Variants in GPR141 observed in about 807,000 individuals in gnomAD.
The protein encoded by GPR141 is G protein-coupled receptor 141.
Under a neutral mutation model 6.8 loss-of-function variants are expected in GPR141, and 6 were observed. That is an observed-to-expected ratio of 0.88 (90% CI 0.48 to 1.74). The LOEUF is 1.74. Ranked by LOEUF, GPR141 falls within the 40% of genes most tolerant of loss-of-function variation. The probability of loss-of-function intolerance (pLI) is 0.01; values close to 1 mark genes in which losing one functional copy is unlikely to be tolerated. For synonymous variants in GPR141, 140 were observed against 142.3 expected (o/e 0.98, Z 0.11); for missense variants, 372 against 372.9 (o/e 1.00, Z 0.02).
At chr7:37,695,531 C>G (rs1048641741) in intron 2 of GPR141, among the ~76,000 whole-genome samples, 5 of 152,154 alleles carry the variant, frequency 3.3e-5, no homozygotes, top group African/African-American at 1.2e-4. Flanking sequence ...GGGAGAAATT[C>G]CTCCTGGCTC....
intron 2 of GPR141, among the ~76,000 whole-genome samples, chr7:37,693,907 C>CAA (rs1809897374): frequency 6.6e-6 from 1 of 152,284 alleles, no homozygotes; most frequent in Admixed American, 6.5e-5. Context: ...AGCTTGAAGT[C>CAA]TGTAAAGACA....
intron 2 of GPR141, among the ~76,000 whole-genome samples, chr7:37,727,684 A>G (rs1811700613): frequency 6.6e-6 from 1 of 151,766 alleles, no homozygotes; most frequent in Non-Finnish European, 1.5e-5. Context: ...CCAAGCCCAG[A>G]CTCTTCAATT....
At chr7:37,708,332 A>C (rs1163618691) in intron 2 of GPR141, among the ~76,000 whole-genome samples, 2 of 151,264 alleles carry the variant, frequency 1.3e-5, no homozygotes, top group African/African-American at 2.4e-5. Context: ...AAAAAAAAAA[A>C]AAACGCAAAA....
At position 37,743,562 on chromosome 7, in the gene GPR141, T is replaced by C. The variant is rs1812674033; in HGVS notation, c.*2251T>C. 6.6e-6 allele frequency among the ~76,000 whole-genome samples: 1 copy of C among 151,656 alleles called. No individual in the cohort carries two copies. Among genetic ancestry groups the C allele is most frequent in the African/African-American group, 2.4e-5 (1 of 41,332 alleles). On this transcript the variant is annotated 3_prime_UTR_variant, in exon 3 of 3. Transcript: ENST00000334425. ...TACCTATAAATATGTAAAAAAAATT[T>C]AGAAAAATATTTAAATTAAAAGTAT...
intron 2 of GPR141, among the ~76,000 whole-genome samples, chr7:37,739,872 A>G (rs1465371210): frequency 6.6e-6 from 1 of 152,178 alleles, no homozygotes; most frequent in African/African-American, 2.4e-5. Flanking sequence ...CTTAGATGGT[A>G]TTTTTGGTCA....
intron 2 of GPR141, among the ~76,000 whole-genome samples, chr7:37,720,095 G>C (rs558731624): frequency 1.8e-4 from 28 of 151,830 alleles, no homozygotes; most frequent in Admixed American, 2.7e-4. Context: ...GAAAGAAAAG[G>C]GTTCCAGGGT....
intron 2 of GPR141, among the ~76,000 whole-genome samples, chr7:37,703,249 G>C (rs1654757111): frequency 6.6e-6 from 1 of 152,004 alleles, no homozygotes; most frequent in African/African-American, 2.4e-5. Context: ...TCTGTGTAGA[G>C]GATTTTTTTT....
At chr7:37,726,472 T>C (rs1282967447) in intron 2 of GPR141, among the ~76,000 whole-genome samples, 2 of 152,192 alleles carry the variant, frequency 1.3e-5, no homozygotes, top group Non-Finnish European at 2.9e-5. Flanking sequence ...TCTATGTTTA[T>C]TTTATGTAAT....
chr7:37,733,347 T>C (rs1255803848), intron 2 of GPR141, among the ~76,000 whole-genome samples: 2 of 151,972 alleles, frequency 1.3e-5, no homozygotes, highest in Admixed American at 1.3e-4. Flanking sequence ...TCCCAGCAAA[T>C]GGAGCAGGGA....
intron 2 of GPR141, among the ~76,000 whole-genome samples, chr7:37,703,796 C>T (rs770454134): frequency 2.0e-5 from 3 of 152,026 alleles, no homozygotes; most frequent in African/African-American, 7.2e-5. Flanking sequence ...TTTTGTGTTG[C>T]ATTCTGAGCA....
chr7:37,687,742 T>C (rs1049613765), intron 2 of GPR141, among the ~76,000 whole-genome samples: 3 of 152,104 alleles, frequency 2.0e-5, no homozygotes, highest in Admixed American at 2.0e-4. Flanking sequence ...AATTCAAGAC[T>C]GGTAGCACAC....
chr7:37,705,700 G>A (rs1810494495), intron 2 of GPR141, among the ~76,000 whole-genome samples: 1 of 152,134 alleles, frequency 6.6e-6, no homozygotes, highest in Non-Finnish European at 1.5e-5. Flanking sequence ...TAAGAAAATG[G>A]TTTTCATTCT....
intron 2 of GPR141, among the ~76,000 whole-genome samples, chr7:37,712,453 T>C (rs1358794151): frequency 2.0e-5 from 3 of 152,124 alleles, no homozygotes; most frequent in African/African-American, 7.2e-5. Flanking sequence ...AAGTGATCAG[T>C]GTTGCCTACT....
At chr7:37,697,069 AATTTATATAT>A (rs2131744658) in intron 2 of GPR141, among the ~76,000 whole-genome samples, 1 of 152,322 alleles carries the variant, frequency 6.6e-6, no homozygotes, top group Admixed American at 6.5e-5. Flanking sequence ...AGAAGGACAC[AATTTATATAT>A]GTAAAACTAA....
chr7:37,699,143 G>A (rs1810158077), intron 2 of GPR141, among the ~76,000 whole-genome samples: 2 of 152,198 alleles, frequency 1.3e-5, no homozygotes, highest in Admixed American at 1.3e-4. Context: ...CAGAATCACG[G>A]ATTGGCAGTT....
intron 2 of GPR141, among the ~76,000 whole-genome samples, chr7:37,689,915 G>A (rs1053346873): frequency 2.0e-5 from 3 of 149,958 alleles, no homozygotes; most frequent in East Asian, 3.9e-4. Flanking sequence ...TGCTCCGATC[G>A]TTATTATTTC....
At chr7:37,736,797 A>C (rs1426821835) in intron 2 of GPR141, among the ~76,000 whole-genome samples, 2 of 152,220 alleles carry the variant, frequency 1.3e-5, no homozygotes, top group Non-Finnish European at 2.9e-5. Context: ...AAGAAATTTA[A>C]AATGGAGTTC....
intron 2 of GPR141, among the ~76,000 whole-genome samples, chr7:37,697,827 C>T (rs1304612802): frequency 6.6e-6 from 1 of 152,162 alleles, no homozygotes; most frequent in East Asian, 1.9e-4. Flanking sequence ...TTTGATTAAT[C>T]TCTTTAGGTG....
chr7:37,700,270 T>C (rs183944620), intron 2 of GPR141, among the ~76,000 whole-genome samples: 13 of 152,376 alleles, frequency 8.5e-5, no homozygotes, highest in Admixed American at 4.6e-4. Context: ...TTTACTTTTT[T>C]GAAAAATTAG....
Sources: allele counts gnomAD v4.1 joint callset (sites outside exome capture counted in the v4.1 genomes callset), GRCh38; gene constraint gnomAD v4.1.1; transcripts MANE v1.5; gene names NCBI Gene and HGNC (gene_info 2026-07-23, HGNC 2026-07-21).